Variants in SLIT3 observed in about 807,000 individuals in gnomAD.
SLIT3 encodes slit homolog 3 protein.
In SLIT3, 68 loss-of-function variants were observed where a neutral mutation model predicts 184.0. The observed-to-expected ratio is 0.37, with a 90% CI of 0.30 to 0.45. The LOEUF (loss-of-function observed/expected upper bound fraction) is 0.45, where lower values mean the gene tolerates loss of function less well. Among genes scored for constraint, SLIT3 ranks in the 20% least tolerant of loss-of-function variants. SLIT3 has a pLI of 1.00. For missense variants in SLIT3, 1,707 were observed against 2,026.0 expected (o/e 0.84, Z 3.02); for synonymous variants, 831 against 828.6 (o/e 1.00, Z -0.05).
chr5:169,015,976 A>C (rs879493198), intron 4 of SLIT3, among the ~76,000 whole-genome samples: 5,698 of 120,518 alleles, frequency 0.047, 168 homozygotes, highest in East Asian at 0.083. Context: ...ACACACACAC[A>C]CACACACACA....
At chr5:168,798,092 G>A (rs1581093696) in intron 9 of SLIT3, among the ~76,000 whole-genome samples, 1 of 152,104 alleles carries the variant, frequency 6.6e-6, no homozygotes, top group South Asian at 2.1e-4. Context: ...GGAGTACAAA[G>A]GTGTGGCTTC....
intron 30 of SLIT3, among the ~76,000 whole-genome samples, chr5:168,686,586 T>C (rs940080126): frequency 3.3e-5 from 5 of 152,222 alleles, no homozygotes; most frequent in Non-Finnish European, 5.9e-5. Context: ...ACCATCATGT[T>C]TGTTCTTCAT....
chr5:169,131,209 T>C (rs1013909373), intron 4 of SLIT3, among the ~76,000 whole-genome samples: 13 of 152,228 alleles, frequency 8.5e-5, no homozygotes, highest in African/African-American at 2.7e-4. Context: ...CAAGTTAAAA[T>C]AGTAAAACAT....
intron 35 of SLIT3, among the ~76,000 whole-genome samples, chr5:168,668,792 C>A (rs1317549858): frequency 1.3e-5 from 2 of 152,196 alleles, no homozygotes; most frequent in African/African-American, 4.8e-5. Context: ...TGCTCAATGT[C>A]ATGCAGAGTT....
At chr5:168,700,709 G>C (rs943042765) in intron 26 of SLIT3, 30 bp from the exon 27 acceptor site, 12 of 1,552,180 alleles carry the variant, frequency 7.7e-6, no homozygotes, top group Non-Finnish European at 1.1e-5. Context: ...GAAGCACCTG[G>C]TTAGGGGGAC....
chr5:169,175,365 C>A (rs912104474), intron 4 of SLIT3, among the ~76,000 whole-genome samples: 21 of 152,162 alleles, frequency 1.4e-4, no homozygotes, highest in Admixed American at 1.3e-4. Context: ...CCCCTCTTCC[C>A]ACTCCTAGTA....
At chr5:168,763,276 A>C (rs921710281) in intron 14 of SLIT3, among the ~76,000 whole-genome samples, 4 of 152,116 alleles carry the variant, frequency 2.6e-5, no homozygotes, top group Non-Finnish European at 4.4e-5. Context: ...GCCTGGCTGT[A>C]AGATTGGGAA....
chr5:168,773,584 C>A (rs1755639353), intron 13 of SLIT3, among the ~76,000 whole-genome samples: 1 of 151,912 alleles, frequency 6.6e-6, no homozygotes, highest in Admixed American at 6.5e-5. Flanking sequence ...TCTCCAGAAG[C>A]CCCGAGGCTA....
chr5:169,255,794 A>G (rs1304594985), intron 1 of SLIT3, among the ~76,000 whole-genome samples: 1 of 151,852 alleles, frequency 6.6e-6, no homozygotes, highest in Non-Finnish European at 1.5e-5. Flanking sequence ...GAGGCAGGAG[A>G]ATGGTGTGAA....
intron 4 of SLIT3, among the ~76,000 whole-genome samples, chr5:168,908,272 A>T (rs1340423873): frequency 6.6e-6 from 1 of 152,080 alleles, no homozygotes; most frequent in Non-Finnish European, 1.5e-5. Context: ...GACAGTGTCT[A>T]TGGCAGATGC....
intron 4 of SLIT3, among the ~76,000 whole-genome samples, chr5:169,150,456 G>C (rs988500505): frequency 1.3e-5 from 2 of 151,782 alleles, no homozygotes; most frequent in African/African-American, 4.8e-5. Flanking sequence ...AAGAAAAAAT[G>C]GTCTCTGTCC....
chr5:168,895,601 C>T (rs767847880), intron 4 of SLIT3, among the ~76,000 whole-genome samples: 8 of 152,134 alleles, frequency 5.3e-5, no homozygotes, highest in Non-Finnish European at 1.2e-4. Context: ...AGCCCAGTAA[C>T]GGATGAAATA....
intron 12 of SLIT3, among the ~76,000 whole-genome samples, chr5:168,775,123 C>T (rs747795812): frequency 4.0e-5 from 6 of 151,724 alleles, no homozygotes; most frequent in South Asian, 4.2e-4. Flanking sequence ...CTGCAACCTC[C>T]GCCTCTTGGG....
intron 4 of SLIT3, among the ~76,000 whole-genome samples, chr5:169,192,711 A>T (rs980013679): frequency 5.3e-5 from 8 of 152,270 alleles, no homozygotes; most frequent in South Asian, 2.1e-4. Context: ...GTGTCGCTTC[A>T]TTCAGAAAGG....
chr5:169,167,807 C>T (rs933322222), intron 4 of SLIT3, among the ~76,000 whole-genome samples: 12 of 152,178 alleles, frequency 7.9e-5, no homozygotes, highest in Non-Finnish European at 1.5e-4. Context: ...ACCCAGCAAC[C>T]CCTCACTGAC....
At chr5:169,053,840 C>T (rs1352398889) in intron 4 of SLIT3, among the ~76,000 whole-genome samples, 5 of 152,088 alleles carry the variant, frequency 3.3e-5, no homozygotes, top group Non-Finnish European at 5.9e-5. Context: ...ATAATCTCTG[C>T]ACTTTGGGAG....
chr5:169,095,900 T>C (rs1226746051), intron 4 of SLIT3, among the ~76,000 whole-genome samples: 1 of 152,204 alleles, frequency 6.6e-6, no homozygotes. Flanking sequence ...ACAATTTTAA[T>C]TACATAAGTA....
chr5:168,769,352 A>T (rs67107739), intron 14 of SLIT3, among the ~76,000 whole-genome samples: 12,486 of 152,228 alleles, frequency 0.082, 542 homozygotes, highest in Admixed American at 0.098. Flanking sequence ...AGGCTAAGTG[A>T]CTGAGACCCT....
chr5:168,849,823 T>G (rs1050386873), intron 5 of SLIT3, among the ~76,000 whole-genome samples: 3 of 152,196 alleles, frequency 2.0e-5, no homozygotes, highest in African/African-American at 7.2e-5. Flanking sequence ...TAGAATATTG[T>G]AACTGTAAAA....
Sources: gnomAD v4.1 joint callset for allele counts (sites outside exome capture counted in the v4.1 genomes callset) on GRCh38, gnomAD v4.1.1 for gene constraint, MANE v1.5 for transcripts, NCBI Gene and HGNC (gene_info 2026-07-23, HGNC 2026-07-21) for gene names.